TACC2: variants seen among roughly 807,000 people sequenced by gnomAD.
The protein encoded by TACC2 is transforming acidic coiled-coil containing protein 2.
Under a neutral mutation model 227.3 loss-of-function variants are expected in TACC2, and 137 were observed. The ratio of observed to expected loss-of-function variants is 0.60; its 90% CI spans 0.52 to 0.69. The LOEUF is 0.69. Ranked by LOEUF, TACC2 falls within the 30% of genes least tolerant of loss-of-function variation. TACC2 has a pLI of 0.00. For missense variants in TACC2, 3,470 were observed against 3,694.4 expected, an observed-to-expected ratio of 0.94 and a Z score of 1.57; for synonymous variants, 1,523 against 1,487.5, an observed-to-expected ratio of 1.02 and a Z score of -0.55.
intron 7 of TACC2, among the ~76,000 whole-genome samples, chr10:122,176,959 G>A (rs1319737571): frequency 1.3e-5 from 2 of 152,192 alleles, no homozygotes; most frequent in African/African-American, 4.8e-5. Flanking sequence ...AGAGTGAGGG[G>A]AGGAAGTGTA....
chr10:122,200,748 A>G (rs1370257315), intron 8 of TACC2, among the ~76,000 whole-genome samples: 2 of 146,606 alleles, frequency 1.4e-5, no homozygotes, highest in Admixed American at 6.7e-5. Context: ...CCGTGTTCAC[A>G]TGGGGAGGAC....
chr10:122,179,574 C>T lies in TACC2; in HGVS notation c.5835-15466C>T, dbSNP rs1160454530. On this transcript the variant is annotated intron_variant, in intron 7 of 22. Transcript: ENST00000369005. Reference sequence around the variant, plus strand: ...ACCCGGCCACTTCTCACCTTGGAGGCGAGCAAGCTCCATACCCTTCTTCCA... The same window carrying T: ...ACCCGGCCACTTCTCACCTTGGAGGTGAGCAAGCTCCATACCCTTCTTCCA... Among the ~76,000 whole-genome samples, 3 of 152,146 alleles carry T rather than the reference C, an allele frequency of 2.0e-5. No homozygotes were observed. The East Asian group carries it at 5.8e-4, about 29-fold the overall frequency.
At chr10:122,063,415 G>A (rs1374756674) in intron 3 of TACC2, among the ~76,000 whole-genome samples, 1 of 152,216 alleles carries the variant, frequency 6.6e-6, no homozygotes, top group African/African-American at 2.4e-5. Flanking sequence ...ACACAGAAAG[G>A]AGAGTGGGAG....
At position 122,086,097 on chromosome 10, in the gene TACC2, G is replaced by A; in HGVS notation, c.3597G>A (p.Glu1199=). Residue 1199 remains glutamate, a synonymous_variant, in exon 4 of 23, where the codon GAG becomes GAA. Transcript: ENST00000369005. The part of the protein sequence containing the change: ...SCQDALLPAR[E]LGGIPRSTMD... ...AGGATGCCTTGCTGCCAGCCAGAGAGCTGGGTGGGATTCCCAGGAGCACCA... is the reference window on the plus strand; with the variant it reads ...AGGATGCCTTGCTGCCAGCCAGAGAACTGGGTGGGATTCCCAGGAGCACCA... 2 of 1,613,726 alleles carry A rather than the reference G, an allele frequency of 1.2e-6. No individual in the cohort carries two copies. The highest frequency in any genetic ancestry group is 1.7e-6 in the Non-Finnish European group (2 of 1,180,028).
At chr10:122,074,376 A>G (rs4360638) in intron 3 of TACC2, among the ~76,000 whole-genome samples, 146,475 of 152,240 alleles carry the variant, frequency 0.96, 70,664 homozygotes, top group East Asian at 1. Flanking sequence ...CACTGTGCCC[A>G]GCCTAGGAAG....
At chr10:122,010,152 C>G (rs1435064630) in intron 1 of TACC2, among the ~76,000 whole-genome samples, 3 of 152,136 alleles carry the variant, frequency 2.0e-5, no homozygotes, top group South Asian at 2.1e-4. Flanking sequence ...GACACTATCC[C>G]TTTCTCAAAA....
chr10:122,122,712 A>G (rs939173323), intron 5 of TACC2, among the ~76,000 whole-genome samples: 1 of 152,130 alleles, frequency 6.6e-6, no homozygotes. Flanking sequence ...CGCGGGTCCC[A>G]GTCCTGACTC....
chr10:122,114,048 GGACA>G lies in TACC2; in HGVS notation c.5574-18559_5574-18556del, dbSNP rs1592160432. ...TATCTTCAGGCTCTGTCAAATGCTG[GGACA>G]GGAGAATGTGATAGCGGGTTGAAAT... is the stretch of plus-strand genomic sequence containing the variant. On this transcript the variant is annotated intron_variant, in intron 5 of 22. Coordinates refer to ENST00000369005, the MANE Select transcript of TACC2 (RefSeq NM_206862.4). Among the ~76,000 whole-genome samples, 3 of 152,224 alleles carry G rather than the reference GGACA, an allele frequency of 2.0e-5. No individual in the cohort carries two copies. In the East Asian group the frequency reaches 5.8e-4, roughly 29 times the overall value.
At chr10:122,041,213 T>C (rs1714621373) in intron 2 of TACC2, among the ~76,000 whole-genome samples, 1 of 152,236 alleles carries the variant, frequency 6.6e-6, no homozygotes, top group African/African-American at 2.4e-5. Flanking sequence ...TTTAAAGCTA[T>C]GCTTGGTGCT....
chr10:122,075,118 C>A (rs949705172), intron 3 of TACC2, among the ~76,000 whole-genome samples: 1 of 151,636 alleles, frequency 6.6e-6, no homozygotes, highest in Non-Finnish European at 1.5e-5. Flanking sequence ...CAGTATAGGG[C>A]AACCCGCTCG....
chr10:122,211,801 C>G, intron 9 of TACC2, 93 bp downstream of exon 9: 1 of 1,132,332 alleles, frequency 8.8e-7, no homozygotes, highest in Non-Finnish European at 1.2e-6. Context: ...TTCGACTGCC[C>G]TAACCTTGCC....
intron 7 of TACC2, among the ~76,000 whole-genome samples, chr10:122,155,987 G>A (rs1276331833): frequency 4.0e-5 from 6 of 151,448 alleles, no homozygotes; most frequent in Non-Finnish European, 7.4e-5. Flanking sequence ...ACAGGCGCCC[G>A]CCACCACGCC....
At chr10:122,127,317 A>G (rs1159762948) in intron 5 of TACC2, among the ~76,000 whole-genome samples, 1 of 152,192 alleles carries the variant, frequency 6.6e-6, no homozygotes, top group Non-Finnish European at 1.5e-5. Context: ...AATCCATCCC[A>G]GTGCCCGCCT....
chr10:122,240,746 T>G (rs1008919687), intron 18 of TACC2, among the ~76,000 whole-genome samples: 2 of 152,302 alleles, frequency 1.3e-5, no homozygotes, highest in Admixed American at 6.5e-5. Context: ...GGGGAATAAT[T>G]ATTGGATAAT....
intron 5 of TACC2, among the ~76,000 whole-genome samples, chr10:122,106,024 G>A (rs1425552384): frequency 7.8e-6 from 1 of 128,150 alleles, no homozygotes; most frequent in Non-Finnish European, 1.6e-5. Context: ...TCTCGCTCTT[G>A]TTGCCCAGGC....
intron 8 of TACC2, among the ~76,000 whole-genome samples, chr10:122,203,615 A>G (rs1324010436): frequency 3.2e-4 from 47 of 147,026 alleles, no homozygotes; most frequent in Admixed American, 3.0e-3. Flanking sequence ...CCGGGCAGAG[A>G]CGCTCCTCAC....
chr10:122,033,478 C>G (rs1332465162), intron 2 of TACC2, among the ~76,000 whole-genome samples: 1 of 152,194 alleles, frequency 6.6e-6, no homozygotes, highest in Non-Finnish European at 1.5e-5. Flanking sequence ...CCTCCAAACT[C>G]TTCTACTTTG....
intron 16 of TACC2, 31 bp from the exon 17 acceptor site, chr10:122,237,364 G>T: frequency 7.2e-7 from 1 of 1,384,456 alleles, no homozygotes; most frequent in Non-Finnish European, 9.8e-7. Flanking sequence ...AATGCTAACT[G>T]TTTTTTTTTT....
intron 3 of TACC2, among the ~76,000 whole-genome samples, chr10:122,062,475 GA>G (rs1333651502): frequency 1.9e-5 from 1 of 52,074 alleles, no homozygotes; most frequent in Admixed American, 3.4e-4. Flanking sequence ...GGCTAATTTT[GA>G]ATTTTTTTTT....
Sources: gnomAD v4.1 joint callset for allele counts (sites outside exome capture counted in the v4.1 genomes callset) on GRCh38, gnomAD v4.1.1 for gene constraint, MANE v1.5 for transcripts, NCBI Gene and HGNC (gene_info 2026-07-23, HGNC 2026-07-21) for gene names.